COL4A5: variants seen among roughly 807,000 people sequenced by gnomAD.
COL4A5 encodes collagen alpha-5(IV) chain.
Under a neutral mutation model 130.2 loss-of-function variants are expected in COL4A5, and 26 were observed. The observed-to-expected ratio is 0.20, with a 90% CI of 0.15 to 0.28. The LOEUF is 0.28. Ranked by LOEUF, COL4A5 falls within the 10% of genes least tolerant of loss-of-function variation. The pLI is 1.00. For synonymous variants in COL4A5, 496 were observed against 439.6 expected, an observed-to-expected ratio of 1.13 and a Z score of -1.60; for missense variants, 1,131 against 1,344.3, an observed-to-expected ratio of 0.84 and a Z score of 2.48.
chrX:108,529,410 G>T (rs1398549229), intron 1 of COL4A5, among the ~76,000 whole-genome samples: 1 of 110,950 alleles, frequency 9.0e-6, no homozygotes, highest in African/African-American at 3.3e-5. Flanking sequence ...ATCAAAGAAG[G>T]AAAAGAAAGG....
intron 47 of COL4A5, among the ~76,000 whole-genome samples, chrX:108,683,043 C>A (rs2147984372): frequency 8.9e-6 from 1 of 112,156 alleles, no homozygotes; most frequent in South Asian, 3.7e-4. Flanking sequence ...ACATTTAAGT[C>A]TTTAACTTAT....
intron 1 of COL4A5, among the ~76,000 whole-genome samples, chrX:108,538,249 T>C (rs1381913947): frequency 1.8e-5 from 2 of 112,167 alleles, no homozygotes; most frequent in Non-Finnish European, 3.8e-5. Context: ...GATGAATGAG[T>C]AAGTCTGAAT....
chrX:108,462,461 G>A (rs1926411875), intron 1 of COL4A5: 1 of 111,652 alleles, frequency 9.0e-6, no homozygotes, highest in African/African-American at 3.3e-5. Flanking sequence ...CACCCAGGCT[G>A]GAGTGCAGTG....
chrX:108,623,889 A>G (rs1251494134), intron 33 of COL4A5, among the ~76,000 whole-genome samples: 9 of 111,974 alleles, frequency 8.0e-5, no homozygotes, highest in Admixed American at 3.8e-4. Flanking sequence ...GGGGCAGTAA[A>G]CTATACTTGA....
At chrX:108,548,727 A>G (rs1820082475) in intron 2 of COL4A5, among the ~76,000 whole-genome samples, 1 of 111,724 alleles carries the variant, frequency 9.0e-6, no homozygotes, top group African/African-American at 3.2e-5. Context: ...ATCTTGAAAA[A>G]AGCTAGAGAA....
chrX:108,578,015 A>T (rs752353615), intron 11 of COL4A5, 28 bp downstream of exon 11: 2 of 1,201,683 alleles, frequency 1.7e-6, no homozygotes, highest in Admixed American at 4.4e-5. Flanking sequence ...TATATCTTTT[A>T]TTTGGTGTGG....
intron 49 of COL4A5, among the ~76,000 whole-genome samples, chrX:108,688,781 C>T (rs1259599545): frequency 1.8e-5 from 2 of 111,730 alleles, no homozygotes; most frequent in Non-Finnish European, 3.8e-5. Context: ...TCCATAAAGA[C>T]ATTTAAGAAG....
At chrX:108,480,998 G>T (rs1485663862) in intron 1 of COL4A5, among the ~76,000 whole-genome samples, 1 of 111,816 alleles carries the variant, frequency 8.9e-6, no homozygotes, top group Non-Finnish European at 1.9e-5. Flanking sequence ...ACCAGTCAGG[G>T]ATCCAACGTG....
At chrX:108,632,566 G>A (rs1000058920) in intron 36 of COL4A5, among the ~76,000 whole-genome samples, 1 of 110,785 alleles carries the variant, frequency 9.0e-6, no homozygotes, top group Admixed American at 9.6e-5. Flanking sequence ...GATGAACATC[G>A]ATGCAAAAAT....
chrX:108,627,262 C>T, intron 36 of COL4A5: 1 of 592,226 alleles, frequency 1.7e-6, no homozygotes, highest in South Asian at 9.0e-5. Context: ...ATAATATAGA[C>T]ATATTAAGGG....
At chrX:108,681,493 A>T (rs1292574710) in intron 46 of COL4A5, among the ~76,000 whole-genome samples, 1 of 111,385 alleles carries the variant, frequency 9.0e-6, no homozygotes, top group Non-Finnish European at 1.9e-5. Context: ...ACACAGATGG[A>T]TGAGACTTTG....
At chrX:108,461,745 C>CA in intron 1 of COL4A5, among the ~76,000 whole-genome samples, 1 of 110,932 alleles carries the variant, frequency 9.0e-6, no homozygotes, top group Middle Eastern at 4.6e-3. Flanking sequence ...AGGCATGCGC[C>CA]ACTACCCCCG....
chrX:108,525,405 C>A (rs1442230968), intron 1 of COL4A5, among the ~76,000 whole-genome samples: 4 of 111,393 alleles, frequency 3.6e-5, no homozygotes, highest in African/African-American at 1.3e-4. Context: ...TCTGTAGCTG[C>A]CATTGGATCT....
chrX:108,670,823 C>T (rs895656251), intron 42 of COL4A5: 13 of 247,266 alleles, frequency 5.3e-5, no homozygotes, highest in African/African-American at 3.4e-4. Flanking sequence ...GGGTGGATCA[C>T]CTGAGATCAG....
At position 108,439,962 on chromosome X, in the gene COL4A5, T is replaced by C; in HGVS notation, c.-164T>C. ...GAGTAGCTCCTTCTTCTTCTTCTTT[T>C]TTTTTTCTTCCACTCTTAAAAAGCT... On this transcript the variant is annotated 5_prime_UTR_variant, in exon 1 of 53. Coordinates refer to ENST00000328300, the MANE Select transcript of COL4A5 (RefSeq NM_033380.3). 2.2e-6 allele frequency: 1 copy of C among 452,556 alleles called. No individual in the cohort carries two copies. The highest frequency in any genetic ancestry group is 3.8e-6 in the Non-Finnish European group (1 of 260,184). The allele number at this position is 452,556 out of a possible 1,213,427, so 37.3% of individuals were successfully genotyped here. A position where few individuals can be genotyped will look rare whatever the true frequency, so the allele number is the denominator to read the frequency against.
chrX:108,570,186 G>T (rs1295899674), intron 6 of COL4A5, among the ~76,000 whole-genome samples: 1 of 111,257 alleles, frequency 9.0e-6, no homozygotes, highest in Non-Finnish European at 1.9e-5. Context: ...AAAAATTTTG[G>T]ATTCATGAGG....
At chrX:108,473,633 A>ATATATATATATATTTAT in intron 1 of COL4A5, among the ~76,000 whole-genome samples, 1 of 34,567 alleles carries the variant, frequency 2.9e-5, no homozygotes, top group Non-Finnish European at 6.0e-5. Flanking sequence ...ATATATATAT[A>ATATATATATATATTTAT]TTTTTTTTTT....
chrX:108,663,957 C>G (rs376521557), intron 37 of COL4A5, among the ~76,000 whole-genome samples: 1 of 111,600 alleles, frequency 9.0e-6, no homozygotes, highest in Non-Finnish European at 1.9e-5. Context: ...GAGGCTGAGG[C>G]GGGCAGATCA....
intron 1 of COL4A5, among the ~76,000 whole-genome samples, chrX:108,441,065 A>G (rs924504152): frequency 4.5e-5 from 5 of 111,451 alleles, no homozygotes; most frequent in African/African-American, 1.6e-4. Context: ...TTAGGAATGT[A>G]GAATTCAAAC....
Sources: allele counts gnomAD v4.1 joint callset (sites outside exome capture counted in the v4.1 genomes callset), GRCh38; gene constraint gnomAD v4.1.1; transcripts MANE v1.5; gene names NCBI Gene and HGNC (gene_info 2026-07-23, HGNC 2026-07-21).